LANCL1: variants seen among roughly 807,000 people sequenced by gnomAD.
LANCL1 encodes LanC like glutathione S-transferase 1, also known as glutathione S-transferase LANCL1.
Under a neutral mutation model 50.6 loss-of-function variants are expected in LANCL1, and 50 were observed. The observed-to-expected ratio is 0.99, with a 90% confidence interval of 0.79 to 1.25. The LOEUF is 1.25. Among genes scored for constraint, LANCL1 ranks in the 50% most tolerant of loss-of-function variants. LANCL1 has a pLI of 0.00. For missense variants in LANCL1, 532 were observed against 480.7 expected (o/e 1.11, Z -1.00); for synonymous variants, 188 against 178.6 (o/e 1.05, Z -0.42).
At position 210,431,853 on chromosome 2, in the gene LANCL1, T is replaced by C. The variant is rs1399646685; in HGVS notation, c.*2634A>G. On this transcript the variant is annotated 3_prime_UTR_variant, in exon 10 of 10. Transcript: ENST00000450366. ...CATGGTATCTATGGAAATAGGATAA[T>C]GTTAACTTTTTACATGATGAAAAGT... 1 of 152,212 alleles carries C rather than the reference T, an allele frequency of 6.6e-6. No individual in the cohort carries two copies. The highest frequency in any genetic ancestry group is 1.5e-5 in the Non-Finnish European group (1 of 68,020). The allele number at this position is 152,212 out of a possible 1,614,324, so 9.4% of individuals were successfully genotyped here.
intron 3 of LANCL1, among the ~76,000 whole-genome samples, chr2:210,459,759 A>AACAT (rs1176165828): frequency 6.6e-6 from 1 of 151,992 alleles, no homozygotes; most frequent in Admixed American, 6.6e-5. Flanking sequence ...CAAACAAACA[A>AACAT]ACAAACAAAC....
intron 3 of LANCL1, among the ~76,000 whole-genome samples, chr2:210,461,268 A>G (rs144292483): frequency 2.3e-4 from 35 of 152,076 alleles, no homozygotes; most frequent in Non-Finnish European, 4.3e-4. Flanking sequence ...GCGTAAATCC[A>G]TGCCCATAGC....
chr2:210,470,632 G>A (rs1400684618), intron 3 of LANCL1, among the ~76,000 whole-genome samples: 1 of 152,146 alleles, frequency 6.6e-6, no homozygotes, highest in Non-Finnish European at 1.5e-5. Flanking sequence ...AAATTTTGGA[G>A]CATTTTGGAT....
chr2:210,469,969 AT>A (rs3832125), intron 3 of LANCL1, among the ~76,000 whole-genome samples: 24 of 148,196 alleles, frequency 1.6e-4, no homozygotes, highest in Admixed American at 2.7e-4. Context: ...TTAACTAGTG[AT>A]TTTTTTTTTT....
intron 3 of LANCL1, among the ~76,000 whole-genome samples, chr2:210,463,512 T>G (rs369607729): frequency 3.4e-4 from 52 of 152,368 alleles, no homozygotes; most frequent in African/African-American, 1.3e-3. Flanking sequence ...AGTAACATTT[T>G]ATCACCACGA....
At chr2:210,471,042 A>ATTTTTT (rs35572251) in intron 3 of LANCL1, among the ~76,000 whole-genome samples, 28 of 96,268 alleles carry the variant, frequency 2.9e-4, no homozygotes, top group Admixed American at 3.6e-4. Flanking sequence ...TTCTTCTTTG[A>ATTTTTT]TTTTTTTTTT....
intron 2 of LANCL1, among the ~76,000 whole-genome samples, chr2:210,473,703 T>C (rs1447670129): frequency 1.3e-5 from 2 of 152,326 alleles, no homozygotes; most frequent in Admixed American, 6.5e-5. Flanking sequence ...GGAGCATCCT[T>C]GATAAGGCAA....
chr2:210,453,272 G>A (rs1033771452), intron 4 of LANCL1, among the ~76,000 whole-genome samples: 6 of 152,036 alleles, frequency 3.9e-5, no homozygotes, highest in South Asian at 4.1e-4. Context: ...ATACTCTTAG[G>A]AGCATTTTAA....
intron 4 of LANCL1, among the ~76,000 whole-genome samples, chr2:210,444,407 T>C (rs1693246015): frequency 6.6e-6 from 1 of 152,140 alleles, no homozygotes; most frequent in South Asian, 2.1e-4. Context: ...GGATAGGTTT[T>C]AAATAAGCAG....
At chr2:210,439,309 G>A (rs142109546) in intron 6 of LANCL1, among the ~76,000 whole-genome samples, 52 of 152,296 alleles carry the variant, frequency 3.4e-4, no homozygotes, top group African/African-American at 1.2e-3. Flanking sequence ...AGGAGGCAGA[G>A]TATGTCTCCT....
At chr2:210,459,072 C>G (rs1403074621) in intron 3 of LANCL1, among the ~76,000 whole-genome samples, 1 of 152,026 alleles carries the variant, frequency 6.6e-6, no homozygotes, top group Non-Finnish European at 1.5e-5. Flanking sequence ...GCTTCCTTCC[C>G]TTCATCTTCT....
chr2:210,436,100 AG>A (rs1692921146), intron 8 of LANCL1, 115 bp downstream of exon 8: 2 of 803,654 alleles, frequency 2.5e-6, no homozygotes, highest in Non-Finnish European at 3.9e-6. Flanking sequence ...CATGTTAGCC[AG>A]GCTGGTCTCG....
chr2:210,442,034 G>T (rs906864615), intron 4 of LANCL1, among the ~76,000 whole-genome samples: 1 of 151,786 alleles, frequency 6.6e-6, no homozygotes, highest in East Asian at 1.9e-4. Context: ...CCTCGCGAGG[G>T]GATGGGATTA....
Position 210,436,209 on chromosome 2 carries a change from C to T in LANCL1, c.1050+7G>A, listed in dbSNP as rs749874821. 1.2e-6 allele frequency: 2 copies of T among 1,612,770 alleles called. No individual in the cohort carries two copies. Reference sequence around the variant, plus strand: ...GCTGCTTTCTATTTGGTGGTTCTGACTCCTACCTTACAGGCCCTATACAGG... The same window carrying T: ...GCTGCTTTCTATTTGGTGGTTCTGATTCCTACCTTACAGGCCCTATACAGG... On this transcript the variant is annotated splice_region_variant and intron_variant, in intron 8 of 9. Transcript: ENST00000450366.
chr2:210,463,299 C>T (rs1259414126), intron 3 of LANCL1, among the ~76,000 whole-genome samples: 1 of 152,054 alleles, frequency 6.6e-6, no homozygotes, highest in Non-Finnish European at 1.5e-5. Flanking sequence ...CAACCTCCGC[C>T]TCCTGGATTC....
chr2:210,462,430 T>TA (rs1375234407), intron 3 of LANCL1, among the ~76,000 whole-genome samples: 1 of 152,214 alleles, frequency 6.6e-6, no homozygotes, highest in Non-Finnish European at 1.5e-5. Context: ...TCCCATGTAC[T>TA]AAATTTTACA....
At chr2:210,466,512 A>T (rs2105922276) in intron 3 of LANCL1, among the ~76,000 whole-genome samples, 1 of 152,314 alleles carries the variant, frequency 6.6e-6, no homozygotes, top group South Asian at 2.1e-4. Context: ...GCTGTGATAC[A>T]CATAGCCGTC....
At chr2:210,463,224 T>C (rs1693925836) in intron 3 of LANCL1, among the ~76,000 whole-genome samples, 1 of 152,148 alleles carries the variant, frequency 6.6e-6, no homozygotes, top group Non-Finnish European at 1.5e-5. Flanking sequence ...ATTTATTTTT[T>C]TTTTTGGAGA....
At chr2:210,460,606 T>C (rs529811736) in intron 3 of LANCL1, 2 of 152,362 alleles carry the variant, frequency 1.3e-5, no homozygotes, top group East Asian at 3.9e-4. Context: ...ATGTTGACCA[T>C]GTGCATTTCC....
Sources: gnomAD v4.1 joint callset for allele counts (sites outside exome capture counted in the v4.1 genomes callset) on GRCh38, gnomAD v4.1.1 for gene constraint, MANE v1.5 for transcripts, NCBI Gene and HGNC (gene_info 2026-07-23, HGNC 2026-07-21) for gene names.